The following ADGRL3 variants were observed in gnomAD, a reference collection of about 807,000 sequenced individuals.
ADGRL3 encodes calcium-independent alpha-latrotoxin receptor 3.
In ADGRL3, 62 loss-of-function variants were observed where a neutral mutation model predicts 153.5. The ratio of observed to expected loss-of-function variants is 0.40; its 90% CI spans 0.33 to 0.50. The LOEUF is 0.50. Among genes scored for constraint, ADGRL3 ranks in the 20% least tolerant of loss-of-function variants. The probability of loss-of-function intolerance (pLI) is 0.47; values close to 1 mark genes in which losing one functional copy is unlikely to be tolerated. For missense variants in ADGRL3, 1,641 were observed against 1,859.4 expected (o/e 0.88, Z 2.16); for synonymous variants, 710 against 672.5 (o/e 1.06, Z -0.86).
Position 61,667,972 on chromosome 4 carries a change from T to C in ADGRL3, c.474-8854T>C, listed in dbSNP as rs537009137. Reference sequence around the variant, plus strand: ...ACTGTTTTCAATATGTCTTTTTACTTAACATGTGTTAGGATGAATAATGAC... The same window carrying C: ...ACTGTTTTCAATATGTCTTTTTACTCAACATGTGTTAGGATGAATAATGAC... On this transcript the variant is annotated intron_variant, in intron 5 of 26. Coordinates refer to ENST00000683033, the MANE Select transcript of ADGRL3 (RefSeq NM_001387552.1). Among the ~76,000 whole-genome samples, 3 of 152,318 alleles carry C rather than the reference T, an allele frequency of 2.0e-5. No individual in the cohort carries two copies. In the South Asian group the frequency reaches 6.2e-4, roughly 32 times the overall value.
chr4:61,451,969 AT>A (rs935522252), intron 2 of ADGRL3, among the ~76,000 whole-genome samples: 4 of 152,132 alleles, frequency 2.6e-5, no homozygotes, highest in Non-Finnish European at 2.9e-5. Flanking sequence ...GCATCACTTT[AT>A]TTTCAAAGCC....
chr4:61,533,155 C>G (rs2098634077), intron 4 of ADGRL3, among the ~76,000 whole-genome samples: 1 of 152,114 alleles, frequency 6.6e-6, no homozygotes, highest in Admixed American at 6.5e-5. Flanking sequence ...AATGAAGACC[C>G]AGAATTAAAT....
intron 5 of ADGRL3, among the ~76,000 whole-genome samples, chr4:61,596,956 C>T (rs556012143): frequency 5.3e-5 from 8 of 151,484 alleles, no homozygotes; most frequent in East Asian, 1.9e-4. Context: ...TTTACCTTAT[C>T]GCTTGTGTAG....
chr4:62,027,586 C>T (rs1719472407), intron 21 of ADGRL3, among the ~76,000 whole-genome samples: 2 of 151,978 alleles, frequency 1.3e-5, no homozygotes, highest in Admixed American at 1.3e-4. Flanking sequence ...CATCATATTA[C>T]TCCTGAAATA....
At chr4:62,022,617 T>C (rs1467930146) in intron 21 of ADGRL3, among the ~76,000 whole-genome samples, 1 of 152,122 alleles carries the variant, frequency 6.6e-6, no homozygotes, top group African/African-American at 2.4e-5. Flanking sequence ...ATAATGCAAC[T>C]GGTGAATGTA....
intron 4 of ADGRL3, among the ~76,000 whole-genome samples, chr4:61,585,969 G>A (rs1000157328): frequency 3.3e-5 from 5 of 151,828 alleles, no homozygotes; most frequent in African/African-American, 1.2e-4. Flanking sequence ...ATGTAAGCAA[G>A]CCATTCACAA....
intron 1 of ADGRL3, among the ~76,000 whole-genome samples, chr4:61,210,532 G>A (rs933021643): frequency 1.5e-5 from 2 of 132,714 alleles, no homozygotes. Context: ...GTTTTGTTTT[G>A]ATTTGGTTTG....
At chr4:61,223,235 C>G (rs1746470674) in intron 1 of ADGRL3, among the ~76,000 whole-genome samples, 1 of 152,136 alleles carries the variant, frequency 6.6e-6, no homozygotes, top group African/African-American at 2.4e-5. Flanking sequence ...ACAAAATTCT[C>G]TTTGGAGAGA....
intron 8 of ADGRL3, among the ~76,000 whole-genome samples, chr4:61,810,128 G>T (rs745431483): frequency 1.3e-5 from 2 of 152,048 alleles, no homozygotes; most frequent in Non-Finnish European, 2.9e-5. Flanking sequence ...GGGGAAAAAT[G>T]TACATATTTT....
intron 13 of ADGRL3, among the ~76,000 whole-genome samples, chr4:61,914,079 T>G (rs2098734293): frequency 6.6e-6 from 1 of 152,118 alleles, no homozygotes; most frequent in South Asian, 2.1e-4. Context: ...GTTAGTACAC[T>G]AACACTTCAG....
Position 61,892,809 on chromosome 4 carries a change from TTGA to T in ADGRL3, c.1638_1640del (p.Asp547del). The T allele has an allele frequency of 6.2e-7, 1 of 1,613,874 alleles. No individual in the cohort carries two copies. The highest frequency in any genetic ancestry group is 8.5e-7 in the Non-Finnish European group (1 of 1,179,876). On this transcript the variant is annotated inframe_deletion, in exon 10 of 27. Coordinates refer to ENST00000683033, the MANE Select transcript of ADGRL3 (RefSeq NM_001387552.1). ...ACCCCATCTCCAGCTGTCGAGGTAC[TTGA>T]TGACATGACCACACACCTTCCATCA... is the stretch of plus-strand genomic sequence containing the variant.
chr4:61,903,903 G>T (rs532098199), intron 11 of ADGRL3, among the ~76,000 whole-genome samples: 68 of 151,816 alleles, frequency 4.5e-4, no homozygotes, highest in South Asian at 1.3e-3. Flanking sequence ...CCCTCAAGTA[G>T]CAGGGACCAC....
chr4:61,460,933 G>A (rs760064988), intron 2 of ADGRL3, among the ~76,000 whole-genome samples: 6 of 152,178 alleles, frequency 3.9e-5, no homozygotes, highest in Admixed American at 6.5e-5. Context: ...AGCCAGGCGC[G>A]GTGGCAGGCA....
chr4:61,364,663 G>T (rs1326932178), intron 1 of ADGRL3, among the ~76,000 whole-genome samples: 4 of 152,136 alleles, frequency 2.6e-5, no homozygotes, highest in Admixed American at 6.5e-5. Flanking sequence ...ATAAGTAAAT[G>T]AAGCCATTAA....
chr4:61,783,973 T>C (rs1432169367), intron 8 of ADGRL3, among the ~76,000 whole-genome samples: 1 of 152,104 alleles, frequency 6.6e-6, no homozygotes, highest in Non-Finnish European at 1.5e-5. Context: ...GCAACTTTTA[T>C]GACTTGACCT....
chr4:61,869,353 C>T (rs2098421768), intron 9 of ADGRL3, among the ~76,000 whole-genome samples: 1 of 150,984 alleles, frequency 6.6e-6, no homozygotes, highest in South Asian at 2.1e-4. Context: ...AATCCCAGCA[C>T]TTTGGGAGGC....
intron 8 of ADGRL3, among the ~76,000 whole-genome samples, chr4:61,783,935 A>T (rs974245706): frequency 6.6e-6 from 1 of 152,120 alleles, no homozygotes; most frequent in Non-Finnish European, 1.5e-5. Context: ...GAAATTGCCA[A>T]TATCTGACAG....
At chr4:61,579,647 G>A (rs1199754884) in intron 4 of ADGRL3, 2 of 501,118 alleles carry the variant, frequency 4.0e-6, no homozygotes, top group Non-Finnish European at 7.9e-6. Flanking sequence ...TTAATTGTTT[G>A]ATGATGTACC....
At chr4:61,392,708 A>AAAAAAAAAAAAAAAAAAAAAAAGT (rs1560565678) in intron 2 of ADGRL3, among the ~76,000 whole-genome samples, 1 of 92,738 alleles carries the variant, frequency 1.1e-5, no homozygotes, top group Non-Finnish European at 2.4e-5. Context: ...AAAAAAAAAG[A>AAAAAAAAAAAAAAAAAAAAAAAGT]AAAAGGAAAA....
Sources: gnomAD v4.1 joint callset for allele counts (sites outside exome capture counted in the v4.1 genomes callset) on GRCh38, gnomAD v4.1.1 for gene constraint, MANE v1.5 for transcripts, NCBI Gene and HGNC (gene_info 2026-07-23, HGNC 2026-07-21) for gene names.